Variants in SLC24A2 observed in about 807,000 individuals in gnomAD.
SLC24A2 encodes sodium/potassium/calcium exchanger 2.
In SLC24A2, 36 loss-of-function variants were observed where a neutral mutation model predicts 62.0. That is an observed-to-expected ratio of 0.58 (90% CI 0.44 to 0.77). SLC24A2 has a LOEUF of 0.77. Among genes scored for constraint, SLC24A2 ranks in the 30% least tolerant of loss-of-function variants. SLC24A2 has a pLI of 0.00. For missense variants in SLC24A2, 846 were observed against 817.9 expected (o/e 1.03, Z -0.42); for synonymous variants, 358 against 294.0 (o/e 1.22, Z -2.23).
intron 10 of SLC24A2, among the ~76,000 whole-genome samples, chr9:19,518,550 T>C (rs2132628667): frequency 6.6e-6 from 1 of 151,964 alleles, no homozygotes; most frequent in East Asian, 1.9e-4. Flanking sequence ...GCTTCCCGAG[T>C]AGCTGGGACT....
At chr9:19,975,032 A>T in the SLC24A2 span, among the ~76,000 whole-genome samples, 1 of 152,132 alleles carries the variant, frequency 6.6e-6, no homozygotes, top group Non-Finnish European at 1.5e-5. Context: ...GGTTTCCCAT[A>T]AGTTTTTGTT....
the SLC24A2 span, among the ~76,000 whole-genome samples, chr9:20,170,137 G>T: frequency 7.2e-6 from 1 of 139,014 alleles, no homozygotes; most frequent in Admixed American, 7.3e-5. Flanking sequence ...AAGACAAAAA[G>T]AAAAAAAAAA....
chr9:19,789,518 AG>A (rs1207359672), upstream of SLC24A2, among the ~76,000 whole-genome samples: 1 of 152,240 alleles, frequency 6.6e-6, no homozygotes, highest in African/African-American at 2.4e-5. Flanking sequence ...GGGACACTGC[AG>A]GGGCTTCAGT....
chr9:19,796,494 T>C, the SLC24A2 span, among the ~76,000 whole-genome samples: 4 of 152,246 alleles, frequency 2.6e-5, no homozygotes, highest in African/African-American at 9.6e-5. Flanking sequence ...CTGAAGCCTC[T>C]TTCTTGTTTA....
the SLC24A2 span, among the ~76,000 whole-genome samples, chr9:20,249,704 CAAAAAA>C: frequency 3.9e-5 from 3 of 76,586 alleles, no homozygotes; most frequent in South Asian, 4.3e-4. Flanking sequence ...AACTCTGTCT[CAAAAAA>C]AAAAAAAAAA....
the SLC24A2 span, among the ~76,000 whole-genome samples, chr9:19,794,294 A>C: frequency 6.6e-6 from 1 of 151,576 alleles, no homozygotes; most frequent in South Asian, 2.1e-4. Flanking sequence ...GCTCAGCTTC[A>C]TTGCACCTGA....
the SLC24A2 span, among the ~76,000 whole-genome samples, chr9:19,902,901 T>C: frequency 6.6e-6 from 1 of 152,188 alleles, no homozygotes; most frequent in East Asian, 1.9e-4. Flanking sequence ...ATTTCCTCCC[T>C]AAATCACGTT....
chr9:19,655,125 A>G (rs1818909079), intron 2 of SLC24A2, among the ~76,000 whole-genome samples: 1 of 152,228 alleles, frequency 6.6e-6, no homozygotes, highest in Non-Finnish European at 1.5e-5. Context: ...TAGGCCTTAC[A>G]CTGTGTAACA....
the SLC24A2 span, among the ~76,000 whole-genome samples, chr9:20,101,259 C>A: frequency 6.6e-6 from 1 of 152,228 alleles, no homozygotes; most frequent in Non-Finnish European, 1.5e-5. Flanking sequence ...AAGGCAGATG[C>A]TGGAGGAATA....
At chr9:20,268,292 T>G in the SLC24A2 span, among the ~76,000 whole-genome samples, 5 of 152,176 alleles carry the variant, frequency 3.3e-5, no homozygotes, top group Admixed American at 6.5e-5. Flanking sequence ...TCAGGCCTTA[T>G]GCCCCACTGC....
intron 2 of SLC24A2, among the ~76,000 whole-genome samples, chr9:19,738,403 G>A (rs1402902706): frequency 1.3e-5 from 2 of 152,142 alleles, no homozygotes; most frequent in African/African-American, 4.8e-5. Flanking sequence ...GATCCCGAGA[G>A]AGAGAGAACG....
the SLC24A2 span, among the ~76,000 whole-genome samples, chr9:19,985,034 C>T: frequency 6.6e-6 from 1 of 150,936 alleles, no homozygotes; most frequent in South Asian, 2.1e-4. Flanking sequence ...AAAAAGACAT[C>T]AATGCACACC....
intron 2 of SLC24A2, among the ~76,000 whole-genome samples, chr9:19,722,707 T>C (rs1164708674): frequency 6.6e-6 from 1 of 151,824 alleles, no homozygotes; most frequent in African/African-American, 2.4e-5. Flanking sequence ...GTACTAACTT[T>C]TAACTTGAAG....
At chr9:19,922,139 A>T in the SLC24A2 span, among the ~76,000 whole-genome samples, 1 of 152,232 alleles carries the variant, frequency 6.6e-6, no homozygotes, top group Non-Finnish European at 1.5e-5. Context: ...GCAACCATCC[A>T]GTCTTTTAGA....
At chr9:19,657,668 A>G (rs898460112) in intron 2 of SLC24A2, among the ~76,000 whole-genome samples, 2 of 152,104 alleles carry the variant, frequency 1.3e-5, no homozygotes, top group East Asian at 3.9e-4. Flanking sequence ...CAGCTCAAAC[A>G]CTACTCTTTC....
At chr9:19,884,988 C>T in the SLC24A2 span, among the ~76,000 whole-genome samples, 1 of 152,124 alleles carries the variant, frequency 6.6e-6, no homozygotes, top group Non-Finnish European at 1.5e-5. Flanking sequence ...ACAGAGTGGA[C>T]AAGGTTGGAT....
chr9:20,145,725 T>C, the SLC24A2 span, among the ~76,000 whole-genome samples: 3 of 151,774 alleles, frequency 2.0e-5, no homozygotes, highest in Admixed American at 2.0e-4. Flanking sequence ...TGTTAACATA[T>C]AAAAGCACTA....
chr9:19,684,998 A>C (rs1188223988), intron 2 of SLC24A2, among the ~76,000 whole-genome samples: 2 of 152,120 alleles, frequency 1.3e-5, no homozygotes, highest in African/African-American at 4.8e-5. Context: ...ACTCCAGCAA[A>C]GTTTCAGGAT....
At chr9:19,837,674 G>C in the SLC24A2 span, among the ~76,000 whole-genome samples, 1 of 152,038 alleles carries the variant, frequency 6.6e-6, no homozygotes, top group Non-Finnish European at 1.5e-5. Flanking sequence ...AAACCCCATC[G>C]TCTCAGCCAA....
Sources: allele counts gnomAD v4.1 joint callset (sites outside exome capture counted in the v4.1 genomes callset), GRCh38; gene constraint gnomAD v4.1.1; transcripts MANE v1.5; gene names NCBI Gene and HGNC (gene_info 2026-07-23, HGNC 2026-07-21).